IGFN1: variants seen among roughly 807,000 people sequenced by gnomAD.
IGFN1 encodes immunoglobulin like and fibronectin type III domain containing 1, also known as immunoglobulin-like and fibronectin type III domain-containing protein 1.
In IGFN1, 253 loss-of-function variants were observed where a neutral mutation model predicts 289.5. The ratio of observed to expected loss-of-function variants is 0.87; its 90% CI spans 0.79 to 0.97. The LOEUF (loss-of-function observed/expected upper bound fraction) is 0.97, where lower values mean the gene tolerates loss of function less well. Ranked by LOEUF, IGFN1 falls within the 50% of genes least tolerant of loss-of-function variation. IGFN1 has a pLI of 0.00. For synonymous variants in IGFN1, 1,706 were observed against 1,788.5 expected (o/e 0.95, Z 1.16); for missense variants, 4,470 against 4,686.1 (o/e 0.95, Z 1.35).
rs1424746585 is a variant in IGFN1 at position 201,210,786 on chromosome 1, G to A, written c.5893G>A (p.Asp1965Asn). The change falls in exon 12 of 24, where the codon GAT becomes AAT. Residue 1965 changes from aspartate (D) to asparagine (N), a missense_variant. By Grantham distance (23) the Asp-to-Asn change is conservative. Coordinates refer to ENST00000335211, the MANE Select transcript of IGFN1 (RefSeq NM_001164586.2). ...AGTGAATAAGGCAGGTTATAGGAAG[G>A]ATTTGGGGGCTCCTAAGGGAATGGG... ...GSVNKAGYRK[D>N]LGAPKGMGSG... The A allele has an allele frequency of 3.9e-6, 6 of 1,530,922 alleles. 1 individual carries two copies. The South Asian group carries it at 7.2e-5, about 18-fold the overall frequency. 94.8% of individuals were successfully genotyped at this position (1,530,922 alleles called of 1,614,324 possible). A position where few individuals can be genotyped will look rare whatever the true frequency, so the allele number is the denominator to read the frequency against.
rs778149677 is a variant in IGFN1, at chr1:201,217,338, G to C, written c.9647G>C (p.Gly3216Ala). ...APAILSASSQ[G>A]ITLTWTAPRG... ...GCCATCCTGTCGGCCTCCAGCCAGGGCATCACACTGACATGGACAGCACCT... is the reference window on the plus strand; with the variant it reads ...GCCATCCTGTCGGCCTCCAGCCAGGCCATCACACTGACATGGACAGCACCT... Residue 3216 changes from glycine to alanine, a missense_variant, in exon 17 of 24, where the codon GGC (glycine) becomes GCC (alanine). Physicochemically the swap from Gly to Ala is moderately conservative, Grantham distance 60. Transcript: ENST00000335211. The C allele has an allele frequency of 1.5e-5, 24 of 1,613,996 alleles. No homozygotes were observed. In the Admixed American group the frequency reaches 4.0e-4, roughly 27 times the overall value.
chr1:201,226,154 A>T, intron 22 of IGFN1, 31 bp downstream of exon 22: 1 of 1,547,282 alleles, frequency 6.5e-7, no homozygotes, highest in African/African-American at 1.4e-5. Context: ...AGGAGCAGGC[A>T]GGGTGGGGGT....
chr1:201,227,497 G>A (rs574544759), intron 23 of IGFN1, among the ~76,000 whole-genome samples: 5 of 151,028 alleles, frequency 3.3e-5, no homozygotes, highest in African/African-American at 7.3e-5. Context: ...GCATGATCTC[G>A]GCTCACTGCA....
At position 201,211,308 on chromosome 1, in the gene IGFN1, G is replaced by A. The variant is rs375978523; in HGVS notation, c.6415G>A (p.Glu2139Lys). Residue 2139 changes from glutamate (E) to lysine (K), a missense_variant, in exon 12 of 24, where the codon GAG becomes AAG. This residue lies in a region of IGFN1 where 2,218 missense variants were observed against 2,114.1 expected (regional missense o/e 1.05). Coordinates refer to ENST00000335211, the MANE Select transcript of IGFN1 (RefSeq NM_001164586.2). ...TTCTACAGAAATGGGGTCAGTGAATGAGGCAGGTTATAGGAAGGATTTGGG... is the reference window on the plus strand; with the variant it reads ...TTCTACAGAAATGGGGTCAGTGAATAAGGCAGGTTATAGGAAGGATTTGGG... ...GSSTEMGSVN[E>K]AGYRKDLGAP... is the part of the protein sequence containing the mutation. The A allele has an allele frequency of 2.9e-5, 45 of 1,530,914 alleles. No homozygotes were observed. The highest frequency in any genetic ancestry group is 1.7e-4 in the Middle Eastern group (1 of 5,964). The allele number at this position is 1,530,914 out of a possible 1,614,324, so 94.8% of individuals were successfully genotyped here.
intron 12 of IGFN1, 105 bp from the exon 13 acceptor site, chr1:201,214,072 A>T: frequency 8.1e-7 from 1 of 1,234,450 alleles, no homozygotes; most frequent in Non-Finnish European, 1.1e-6. Flanking sequence ...AGCCCTGCTG[A>T]CACCAGCCAA....
intron 9 of IGFN1, among the ~76,000 whole-genome samples, chr1:201,202,038 T>C (rs1667188880): frequency 6.6e-6 from 1 of 152,198 alleles, no homozygotes; most frequent in Admixed American, 6.5e-5. Context: ...TATCTCACAC[T>C]GAGCAACTGG....
rs944465078 is a variant in IGFN1, at chr1:201,212,966, C to T, written c.8073C>T (p.Ser2691=). ...EAAGGCRSPW[S]LDSKGSSPGR... ...CTGGTGGATGCCGAAGCCCATGGTC[C>T]CTGGATAGCAAAGGTTCAAGTCCTG... Residue 2691 remains serine, a synonymous_variant, in exon 12 of 24, where the codon TCC becomes TCT. Coordinates refer to ENST00000335211, the MANE Select transcript of IGFN1 (RefSeq NM_001164586.2). 16 of 1,551,342 alleles carry T rather than the reference C, an allele frequency of 1.0e-5. No individual in the cohort carries two copies. Among genetic ancestry groups the T allele is most frequent in the South Asian group, 4.8e-5 (4 of 84,054 alleles).
rs1653196339 is a variant in IGFN1 at position 201,215,702 on chromosome 1, G to A, written c.9159G>A (p.Glu3053=). 1 of 1,613,480 alleles carries A rather than the reference G, an allele frequency of 6.2e-7. No individual in the cohort carries two copies. The highest frequency in any genetic ancestry group is 8.5e-7 in the Non-Finnish European group (1 of 1,179,836). ...GAEVVGSSDR[E]AQVDLGDGYT... ...AGGTGGTGGGCAGCAGTGACAGGGA[G>A]GCCCAGGTGGACCTGGGGGATGGCT... Residue 3053 remains glutamate, a synonymous_variant, in exon 15 of 24, where the codon GAG becomes GAA. Coordinates refer to ENST00000335211, the MANE Select transcript of IGFN1 (RefSeq NM_001164586.2).
intron 12 of IGFN1, 29 bp from the exon 13 acceptor site, chr1:201,214,148 C>T (rs1290870587): frequency 1.9e-6 from 3 of 1,589,054 alleles, no homozygotes; most frequent in Non-Finnish European, 2.6e-6. Flanking sequence ...GGGCGCTCGG[C>T]CCTGGGGATT....
At chr1:201,200,150 C>T in intron 7 of IGFN1, 87 bp from the exon 8 acceptor site, 1 of 1,129,482 alleles carries the variant, frequency 8.9e-7, no homozygotes, top group South Asian at 1.6e-5. Context: ...GAGCAGCTTC[C>T]CAGAACTACT....
Position 201,215,649 on chromosome 1 carries a change from C to T in IGFN1, c.9106C>T (p.Gln3036Ter), listed in dbSNP as rs369777050. Residue 3036 changes from glutamine (Q) to a stop codon, truncating the protein, a stop_gained, in exon 15 of 24, where the codon CAG (glutamine) becomes TAG (stop). Coordinates refer to ENST00000335211, the MANE Select transcript of IGFN1 (RefSeq NM_001164586.2). LOFTEE classifies it high-confidence loss of function. ...CCCCTTCCAGAGCCACCTCCCCATT[C>T]AGGCTGCCTGGAGGAAGGACGGGGC... ...KIPFQSHLPI[Q>*]AAWRKDGAEV... The T allele has an allele frequency of 6.8e-6, 11 of 1,613,956 alleles. No homozygotes were observed. Among genetic ancestry groups the T allele is most frequent in the Non-Finnish European group, 8.5e-6 (10 of 1,180,014 alleles).
rs1479300426 is a variant in IGFN1, at chr1:201,209,987, T to A, written c.5094T>A (p.Ser1698Arg). The change falls in exon 12 of 24, where the codon AGT (serine) becomes AGA (arginine). Residue 1698 changes from serine to arginine, a missense_variant. Transcript: ENST00000335211. ...CAGGTTTTAGGGATGGTTTAGGGAG[T>A]TCTGTAGAAATGGGGTCAGTGAATG... Reference protein sequence around the residue: ...SKAGFRDGLGSSVEMGSVNEA... With the variant: ...SKAGFRDGLGRSVEMGSVNEA... 7 of 1,478,810 alleles carry A rather than the reference T, an allele frequency of 4.7e-6. No individual in the cohort carries two copies. Among genetic ancestry groups the A allele is most frequent in the Non-Finnish European group, 6.3e-6 (7 of 1,111,896 alleles). The allele number at this position is 1,478,810 out of a possible 1,614,324, so 91.6% of individuals were successfully genotyped here.
chr1:201,197,222 A>G lies in IGFN1; in HGVS notation c.272A>G (p.Asn91Ser), dbSNP rs555941996. The change falls in exon 5 of 24, where the codon AAC becomes AGC. Residue 91 changes from asparagine (N) to serine (S), a missense_variant. This residue lies in a region of IGFN1 where 2,011 missense variants were observed against 1,953.4 expected (regional missense o/e 1.03). Transcript: ENST00000335211. ...CTGCCCTTGGCCTCTCTGCAGATCA[A>G]CAAGCTGACAGGCGAGGACACGGAT... ...PGSKEHVLQI[N>S]KLTGEDTDLY... 6.8e-5 allele frequency: 105 copies of G among 1,549,600 alleles called. No homozygotes were observed. The highest frequency in any genetic ancestry group is 8.9e-5 in the Non-Finnish European group (102 of 1,145,268).
chr1:201,228,008 TA>T (rs1329840522), intron 23 of IGFN1, among the ~76,000 whole-genome samples: 1 of 152,242 alleles, frequency 6.6e-6, no homozygotes, highest in South Asian at 2.1e-4. Context: ...AAACACCTTA[TA>T]TTTTGAATAG....
At chr1:201,224,132 C>T (rs1653929030) in intron 20 of IGFN1, among the ~76,000 whole-genome samples, 1 of 152,192 alleles carries the variant, frequency 6.6e-6, no homozygotes, top group South Asian at 2.1e-4. Flanking sequence ...ACGGCATGGT[C>T]ACCAAGCAGC....
Position 201,194,204 on chromosome 1 carries a change from G to A in IGFN1, c.58G>A (p.Glu20Lys). The change falls in exon 3 of 24, where the codon GAG (glutamate) becomes AAG (lysine). Residue 20 changes from glutamate (E) to lysine (K), a missense_variant. This residue lies in a region of IGFN1 where 2,011 missense variants were observed against 1,953.4 expected (regional missense o/e 1.03). Coordinates refer to ENST00000335211, the MANE Select transcript of IGFN1 (RefSeq NM_001164586.2). ...IPGVSIWQLV[E>K]EIPEGCSTPD... is the part of the protein sequence containing the mutation. ...TGGAGTGAGCATCTGGCAGCTGGTG[G>A]AGGAGATCCCTGAAGGCTGCAGCAC... is the stretch of plus-strand genomic sequence containing the variant. 1.3e-6 allele frequency: 2 copies of A among 1,551,694 alleles called. No individual in the cohort carries two copies. Among genetic ancestry groups the A allele is most frequent in the Non-Finnish European group, 1.7e-6 (2 of 1,146,982 alleles).
intron 23 of IGFN1, among the ~76,000 whole-genome samples, chr1:201,228,086 T>C (rs1487299914): frequency 6.6e-6 from 1 of 152,130 alleles, no homozygotes. Context: ...GCAGAGCATC[T>C]CTCCTCTCTG....
Position 201,208,798 on chromosome 1 carries a change from G to T in IGFN1, c.3905G>T (p.Ser1302Ile). The part of the protein sequence containing the change: ...LGAPENMGSG[S>I]KADYRDGVGG... ...GCTCCTGAGAATATGGGTTCGGGGA[G>T]CAAGGCAGATTATAGGGATGGTGTA... is the stretch of plus-strand genomic sequence containing the variant. Residue 1302 changes from serine (S) to isoleucine (I), a missense_variant, in exon 12 of 24, where the codon AGC becomes ATC. Ser to Ile is a moderately radical substitution (Grantham distance 142). This residue lies in a region of IGFN1 where 2,011 missense variants were observed against 1,953.4 expected (regional missense o/e 1.03). Transcript: ENST00000335211. 1 of 1,536,568 alleles carries T rather than the reference G, an allele frequency of 6.5e-7. No individual in the cohort carries two copies. The highest frequency in any genetic ancestry group is 8.7e-7 in the Non-Finnish European group (1 of 1,146,624).
rs1653480656 is a variant in IGFN1, at chr1:201,218,539, G to A, written c.9779G>A (p.Trp3260Ter). 1.2e-6 allele frequency: 2 copies of A among 1,612,836 alleles called. No individual in the cohort carries two copies. Among genetic ancestry groups the A allele is most frequent in the African/African-American group, 2.7e-5 (2 of 75,030 alleles). Residue 3260 changes from tryptophan (W) to a stop codon, truncating the protein, a stop_gained, in exon 18 of 24, where the codon TGG becomes TAG. Transcript: ENST00000335211. LOFTEE classifies it high-confidence loss of function. ...VNDQPVPERR[W>*]TVADVRQGCQ... ...GGCGGGCTGTTCACAGAGAGGAGGT[G>A]GACGGTGGCGGACGTGCGGCAGGGC...
Sources: allele counts gnomAD v4.1 joint callset (sites outside exome capture counted in the v4.1 genomes callset), GRCh38; gene constraint gnomAD v4.1.1; regional missense constraint gnomAD v4.1.1; transcripts MANE v1.5; gene names NCBI Gene and HGNC (gene_info 2026-07-23, HGNC 2026-07-21).